UVSSA: variants seen among roughly 807,000 people sequenced by gnomAD.
UVSSA encodes UV stimulated scaffold protein A.
A neutral mutation model predicts 73.9 loss-of-function variants in UVSSA; 72 were observed. That is an observed-to-expected ratio of 0.97 (90% confidence interval 0.81 to 1.19). UVSSA has a LOEUF of 1.19. UVSSA is among the 50% of genes most tolerant of loss of function. UVSSA has a pLI of 0.00. For missense variants in UVSSA, 1,150 were observed against 965.0 expected (o/e 1.19, Z -2.54); for synonymous variants, 454 against 391.3 (o/e 1.16, Z -1.89).
chr4:1,348,269 C>A, intron 2 of UVSSA, 80 bp downstream of exon 2: 1 of 1,133,942 alleles, frequency 8.8e-7, no homozygotes, highest in South Asian at 1.3e-5. Flanking sequence ...CTCCTGCCCC[C>A]ACCTGGGAGA....
At chr4:1,356,372 G>T (rs990545623) in intron 7 of UVSSA, among the ~76,000 whole-genome samples, 2 of 152,068 alleles carry the variant, frequency 1.3e-5, no homozygotes, top group Non-Finnish European at 1.5e-5. Flanking sequence ...GTGGTGTGCA[G>T]CCCCCCCAGG....
At chr4:1,352,245 CGA>C (rs919452273) in intron 4 of UVSSA, among the ~76,000 whole-genome samples, 10 of 152,224 alleles carry the variant, frequency 6.6e-5, no homozygotes, top group Non-Finnish European at 8.8e-5. Flanking sequence ...AGGGGCACCA[CGA>C]GAGTGTGAGG....
At chr4:1,395,896 A>T (rs769979052) in exon 14 of UVSSA, 3 of 1,591,702 alleles carry the variant, frequency 1.9e-6, no homozygotes, top group East Asian at 2.2e-5. Context: ...GTTTTTGTAA[A>T]ATTGAATTCA....
rs79213518 is a variant in UVSSA at position 1,368,302 on chromosome 4, C to T, written c.1288+1871C>T. Among the ~76,000 whole-genome samples the T allele has an allele frequency of 1.7e-3, 256 of 152,362 alleles. 2 individuals are homozygous for T. The highest frequency in any genetic ancestry group is 5.7e-3 in the African/African-American group (239 of 41,582). ...TTCAGCAGAAGTTACACATCTTAGA[C>T]GGGGTGACGTGTGGCGTCTCAAAAG... On this transcript the variant is annotated intron_variant, in intron 8 of 13. Coordinates refer to ENST00000389851, the MANE Select transcript of UVSSA (RefSeq NM_020894.4).
intron 12 of UVSSA, among the ~76,000 whole-genome samples, chr4:1,381,687 T>A (rs939435806): frequency 4.1e-5 from 5 of 120,490 alleles, no homozygotes; most frequent in South Asian, 4.7e-4. Context: ...TTGATTTGGC[T>A]TTTTTTTTTT....
In UVSSA at chr4:1,365,829, A is replaced by C. The variant is rs1394353346; in HGVS notation, c.1177-491A>C. Among the ~76,000 whole-genome samples the C allele has an allele frequency of 2.0e-5, 3 of 150,328 alleles. No individual in the cohort carries two copies. The East Asian group carries it at 5.9e-4, about 29-fold the overall frequency. On this transcript the variant is annotated intron_variant, in intron 7 of 13. Transcript: ENST00000389851. ...TAAGCCCCGGGGGCACCGCAGACGC[A>C]CCTGCTCCACCTGGTGGGAAGATAA... is the stretch of plus-strand genomic sequence containing the variant.
Position 1,367,969 on chromosome 4 carries a change from A to G in UVSSA, c.1288+1538A>G, listed in dbSNP as rs913997292. 6.6e-5 allele frequency among the ~76,000 whole-genome samples: 10 copies of G among 152,356 alleles called. No individual in the cohort carries two copies. In the South Asian group the frequency reaches 2.1e-3, roughly 32 times the overall value. Reference sequence around the variant, plus strand: ...ATGAGGGCCCTGGGGGTGCCTGAGCACACCGTTGGCCGCTGCAATCTCCTT... The same window carrying G: ...ATGAGGGCCCTGGGGGTGCCTGAGCGCACCGTTGGCCGCTGCAATCTCCTT... On this transcript the variant is annotated intron_variant, in intron 8 of 13. Coordinates refer to ENST00000389851, the MANE Select transcript of UVSSA (RefSeq NM_020894.4).
At chr4:1,376,316 G>C in intron 10 of UVSSA, 148 bp downstream of exon 10, 5 of 1,247,390 alleles carry the variant, frequency 4.0e-6, no homozygotes, top group Non-Finnish European at 5.3e-6. Context: ...ACCTGGAGGG[G>C]CACAGGGGTG....
At chr4:1,395,192 G>A (rs1439324235) in exon 14 of UVSSA, 1 of 1,453,978 alleles carries the variant, frequency 6.9e-7, no homozygotes, top group Admixed American at 1.9e-5. Flanking sequence ...CCGATGCGGA[G>A]TGCCCGCCTG....
At chr4:1,368,539 C>T (rs1249772003) in intron 8 of UVSSA, among the ~76,000 whole-genome samples, 1 of 152,246 alleles carries the variant, frequency 6.6e-6, no homozygotes, top group Non-Finnish European at 1.5e-5. Flanking sequence ...CACTGAAGCC[C>T]AGGGGTCCTG....
rs1293828519 is a variant in UVSSA, at chr4:1,364,407, C to CAG, written c.1177-1912_1177-1911dup. 3.3e-5 allele frequency among the ~76,000 whole-genome samples: 5 copies of CAG among 151,894 alleles called. No homozygotes were observed. The East Asian group carries it at 7.8e-4, about 24-fold the overall frequency. On this transcript the variant is annotated intron_variant, in intron 7 of 13. Transcript: ENST00000389851. ...TCCGTGGGGGCTGGGCTTGGAGCCG[C>CAG]AGTCCCCTGCACACCTGGGCTTTGT...
Position 1,387,734 on chromosome 4 carries a change from G to A in UVSSA, c.*1773G>A, listed in dbSNP as rs755146679. ...ATTGAATTATCTTCGCACCATTATT[G>A]ATAATCAGTTGACCAAAAATGTACA... On this transcript the variant is annotated 3_prime_UTR_variant, in exon 14 of 14. Transcript: ENST00000389851. The A allele has an allele frequency of 2.0e-5, 3 of 152,102 alleles. No individual in the cohort carries two copies. The highest frequency in any genetic ancestry group is 4.4e-5 in the Non-Finnish European group (3 of 68,018). The allele number at this position is 152,102 out of a possible 1,614,324, so 9.4% of individuals were successfully genotyped here.
downstream of UVSSA, chr4:1,388,291 C>T (rs1720295845): frequency 6.6e-6 from 1 of 152,136 alleles, no homozygotes; most frequent in Non-Finnish European, 1.5e-5. Context: ...CTGATCATTG[C>T]TAATATGTGG....
chr4:1,379,111 C>T (rs574711532), intron 10 of UVSSA, among the ~76,000 whole-genome samples: 121 of 152,226 alleles, frequency 7.9e-4, no homozygotes, highest in African/African-American at 2.8e-3. Context: ...CCAGCATCCT[C>T]AGGCACAGGG....
rs977107545 is a variant in UVSSA at position 1,347,369 on chromosome 4, G to T, written c.-394G>T. 1 of 152,084 alleles carries T rather than the reference G, an allele frequency of 6.6e-6. No homozygotes were observed. The highest frequency in any genetic ancestry group is 1.5e-5 in the Non-Finnish European group (1 of 68,082). The allele number at this position is 152,084 out of a possible 1,614,324, so 9.4% of individuals were successfully genotyped here. ...CGCCGGCGGCGGGGCCGGAGGGCGG[G>T]CCCTGGGCCGAGTGACAGGCCGCAG... On this transcript the variant is annotated 5_prime_UTR_variant, in exon 1 of 14. Coordinates refer to ENST00000389851, the MANE Select transcript of UVSSA (RefSeq NM_020894.4).
At chr4:1,351,384 T>G (rs1714710517) in intron 3 of UVSSA, among the ~76,000 whole-genome samples, 3 of 143,420 alleles carry the variant, frequency 2.1e-5, no homozygotes, top group Admixed American at 1.4e-4. Context: ...TTTATTTTCT[T>G]TCTTTTTTTT....
intron 7 of UVSSA, among the ~76,000 whole-genome samples, chr4:1,356,167 G>A (rs1214280007): frequency 6.6e-6 from 1 of 152,152 alleles, no homozygotes; most frequent in Non-Finnish European, 1.5e-5. Flanking sequence ...CTAGGAGATG[G>A]TGGCCTTTTG....
upstream of UVSSA, among the ~76,000 whole-genome samples, chr4:1,344,875 G>C (rs1339144016): frequency 6.6e-6 from 1 of 152,172 alleles, no homozygotes; most frequent in Non-Finnish European, 1.5e-5. Flanking sequence ...GCAGTGGCTG[G>C]AAGGAGGCAA....
At chr4:1,381,735 T>G in intron 12 of UVSSA, among the ~76,000 whole-genome samples, 1 of 150,628 alleles carries the variant, frequency 6.6e-6, no homozygotes, top group South Asian at 2.1e-4. Flanking sequence ...TCACCCAGGC[T>G]AGAGTGCAGT....
Sources: gnomAD v4.1 joint callset for allele counts (sites outside exome capture counted in the v4.1 genomes callset) on GRCh38, gnomAD v4.1.1 for gene constraint, MANE v1.5 for transcripts, NCBI Gene and HGNC (gene_info 2026-07-23, HGNC 2026-07-21) for gene names.